DZIP1: variants seen among roughly 807,000 people sequenced by gnomAD.
DZIP1 encodes the protein cilium assembly protein DZIP1.
DZIP1 carries 97 observed loss-of-function variants against 107.6 expected under a neutral mutation model. That is an observed-to-expected ratio of 0.90 (90% CI 0.77 to 1.07). The LOEUF (loss-of-function observed/expected upper bound fraction) is 1.07, where lower values mean the gene tolerates loss of function less well. DZIP1 is among the 50% of genes least tolerant of loss of function. DZIP1 has a pLI of 0.00. For synonymous variants in DZIP1, 390 were observed against 386.4 expected (o/e 1.01, Z -0.11); for missense variants, 1,035 against 1,063.6 (o/e 0.97, Z 0.37).
chr13:95,600,235 A>G (rs2044572617), intron 14 of DZIP1, among the ~76,000 whole-genome samples: 1 of 152,190 alleles, frequency 6.6e-6, no homozygotes, highest in African/African-American at 2.4e-5. Flanking sequence ...GTGGTCAGGC[A>G]TTAGATATGG....
intron 12 of DZIP1, among the ~76,000 whole-genome samples, chr13:95,611,008 A>G (rs1297892586): frequency 1.3e-5 from 2 of 152,216 alleles, no homozygotes; most frequent in Non-Finnish European, 1.5e-5. Context: ...CAGAGAAAAT[A>G]GACTGAAACA....
intron 13 of DZIP1, among the ~76,000 whole-genome samples, chr13:95,607,783 C>G (rs545229297): frequency 6.6e-6 from 1 of 152,194 alleles, no homozygotes; most frequent in Non-Finnish European, 1.5e-5. Flanking sequence ...GGTCTTTTCT[C>G]TAAACTACAG....
chr13:95,590,587 C>T (rs923639779), intron 16 of DZIP1, 146 bp from the exon 17 acceptor site: 2 of 728,466 alleles, frequency 2.7e-6, no homozygotes, highest in South Asian at 2.3e-5. Context: ...CAACAAGTAA[C>T]ACACTGTCCC....
intron 15 of DZIP1, among the ~76,000 whole-genome samples, chr13:95,594,546 T>A (rs892631063): frequency 1.6e-4 from 25 of 152,274 alleles, no homozygotes; most frequent in African/African-American, 5.5e-4. Flanking sequence ...ACACCTGTAA[T>A]CCCAGCACTT....
chr13:95,611,299 AT>A, intron 12 of DZIP1, 145 bp downstream of exon 12: 2 of 649,202 alleles, frequency 3.1e-6, no homozygotes, highest in Non-Finnish European at 5.5e-6. Context: ...TCAAATTAAA[AT>A]AATAGAGGAC....
At chr13:95,587,155 C>T (rs929938972) in intron 20 of DZIP1, among the ~76,000 whole-genome samples, 7 of 152,140 alleles carry the variant, frequency 4.6e-5, no homozygotes, top group Non-Finnish European at 1.0e-4. Flanking sequence ...TGTGAGGATG[C>T]ACAAGAAGAC....
intron 5 of DZIP1, chr13:95,637,223 T>C (rs1347369840): frequency 6.6e-6 from 1 of 152,050 alleles, no homozygotes; most frequent in Non-Finnish European, 1.5e-5. Flanking sequence ...AGAATGGAGA[T>C]GTTGAGGTGA....
At chr13:95,592,185 C>T (rs897662714) in intron 16 of DZIP1, among the ~76,000 whole-genome samples, 1 of 152,128 alleles carries the variant, frequency 6.6e-6, no homozygotes, top group African/African-American at 2.4e-5. Flanking sequence ...CAAAACCTAA[C>T]TCTTAAAGCC....
chr13:95,607,487 G>C (rs1222158832), intron 13 of DZIP1, among the ~76,000 whole-genome samples: 1 of 152,206 alleles, frequency 6.6e-6, no homozygotes, highest in African/African-American at 2.4e-5. Flanking sequence ...TCTAGATCAA[G>C]TTTTGGCAAA....
At chr13:95,636,165 C>T (rs1490449943) in intron 5 of DZIP1, among the ~76,000 whole-genome samples, 1 of 146,406 alleles carries the variant, frequency 6.8e-6, no homozygotes, top group African/African-American at 2.5e-5. Flanking sequence ...TTTTAAAAAA[C>T]CAGAATGAGT....
intron 7 of DZIP1, among the ~76,000 whole-genome samples, chr13:95,629,606 C>A (rs976424465): frequency 2.1e-4 from 32 of 152,084 alleles, no homozygotes; most frequent in African/African-American, 7.0e-4. Context: ...CTGCCAGGAA[C>A]TGAACTCTGC....
Position 95,641,596 on chromosome 13 carries a change from C to T in DZIP1, c.296G>A (p.Cys99Tyr). The change falls in exon 5 of 23, where the codon TGC (cysteine) becomes TAC (tyrosine). Residue 99 changes from cysteine (C) to tyrosine (Y), a missense_variant. Physicochemically the swap from Cys to Tyr is radical, Grantham distance 194 (BLOSUM62 -2). Coordinates refer to ENST00000376829, the MANE Select transcript of DZIP1 (RefSeq NM_198968.4). The surrounding 1 kb of genome is among the most constrained non-coding windows in gnomAD (Gnocchi z 4.3). The part of the protein sequence containing the change: ...LQENIMNITF[C>Y]KLEDEKCPHC... ...TGGGCACTTCTCGTCTTCCAGCTTG[C>T]AGAAGGTGATGTTCATGATGTTCTC... The T allele has an allele frequency of 6.2e-7, 1 of 1,613,234 alleles. No individual in the cohort carries two copies. Among genetic ancestry groups the T allele is most frequent in the Non-Finnish European group, 8.5e-7 (1 of 1,180,038 alleles).
chr13:95,619,387 G>C (rs1875533171), intron 10 of DZIP1, among the ~76,000 whole-genome samples: 1 of 152,198 alleles, frequency 6.6e-6, no homozygotes, highest in Non-Finnish European at 1.5e-5. Context: ...AGCTCTGAAG[G>C]CTAAATGAAT....
chr13:95,581,938 A>G lies in DZIP1; in HGVS notation c.*296T>C. 1 of 249,518 alleles carries G rather than the reference A, an allele frequency of 4.0e-6. No individual in the cohort carries two copies. The highest frequency in any genetic ancestry group is 7.6e-6 in the Non-Finnish European group (1 of 132,316). The allele number at this position is 249,518 out of a possible 1,614,324, so 15.5% of individuals were successfully genotyped here. The stretch of plus-strand genomic sequence containing the variant: ...CTAAAAAATTAGTTGAAAAAAATAC[A>G]CTTAACACTAGAGTACCTTTCTGAA... On this transcript the variant is annotated 3_prime_UTR_variant, in exon 23 of 23. Transcript: ENST00000376829.
intron 5 of DZIP1, 152 bp from the exon 6 acceptor site, chr13:95,633,473 A>AG: frequency 1.6e-6 from 1 of 633,216 alleles, no homozygotes. Context: ...ACCCAAGGTT[A>AG]GAAGTTTGAG....
intron 12 of DZIP1, among the ~76,000 whole-genome samples, chr13:95,610,715 A>G (rs187788963): frequency 2.0e-5 from 3 of 152,338 alleles, no homozygotes; most frequent in Admixed American, 2.0e-4. Flanking sequence ...ACTATTTGCT[A>G]TGACTTGAAT....
At chr13:95,629,131 C>T (rs1214979101) in intron 7 of DZIP1, among the ~76,000 whole-genome samples, 4 of 152,170 alleles carry the variant, frequency 2.6e-5, no homozygotes, top group Non-Finnish European at 4.4e-5. Context: ...ACTTGCTGTC[C>T]CCATGGGGGA....
At chr13:95,615,821 C>T (rs1156822938) in intron 10 of DZIP1, among the ~76,000 whole-genome samples, 2 of 152,196 alleles carry the variant, frequency 1.3e-5, no homozygotes, top group African/African-American at 4.8e-5. Flanking sequence ...TCTGTCTAAG[C>T]CCCTGTGTCC....
At chr13:95,640,994 G>C (rs552643192) in intron 5 of DZIP1, among the ~76,000 whole-genome samples, 1 of 152,260 alleles carries the variant, frequency 6.6e-6, no homozygotes, top group South Asian at 2.1e-4. Flanking sequence ...TTTGTATATG[G>C]TTTTTTCATG....
Sources: allele counts gnomAD v4.1 joint callset (sites outside exome capture counted in the v4.1 genomes callset), GRCh38; gene constraint gnomAD v4.1.1; non-coding constraint Gnocchi (gnomAD v3.1); transcripts MANE v1.5; gene names NCBI Gene and HGNC (gene_info 2026-07-23, HGNC 2026-07-21).